Variants in DCP1A observed in about 807,000 individuals in gnomAD.
The protein encoded by DCP1A is decapping mRNA 1A.
Under a neutral mutation model 58.0 loss-of-function variants are expected in DCP1A, and 20 were observed. The ratio of observed to expected loss-of-function variants is 0.34; its 90% CI spans 0.24 to 0.50. The LOEUF is 0.50. Ranked by LOEUF, DCP1A falls within the 20% of genes least tolerant of loss-of-function variation. The pLI is 0.98. For synonymous variants in DCP1A, 285 were observed against 275.1 expected (o/e 1.04, Z -0.36); for missense variants, 613 against 712.2 (o/e 0.86, Z 1.59).
At chr3:53,291,028 G>A (rs1304370524) in intron 7 of DCP1A, among the ~76,000 whole-genome samples, 172 bp from the exon 8 acceptor site, 1 of 152,166 alleles carries the variant, frequency 6.6e-6, no homozygotes, top group Non-Finnish European at 1.5e-5. Context: ...ACAGGAACCT[G>A]TAACCATGCA....
chr3:53,320,908 G>C (rs946590509), intron 3 of DCP1A, among the ~76,000 whole-genome samples: 1 of 152,220 alleles, frequency 6.6e-6, no homozygotes, highest in African/African-American at 2.4e-5. Flanking sequence ...TTCCAAGCTG[G>C]TTGTAATGAG....
intron 3 of DCP1A, among the ~76,000 whole-genome samples, chr3:53,336,961 C>T (rs2089128229): frequency 6.6e-6 from 1 of 152,022 alleles, no homozygotes; most frequent in Non-Finnish European, 1.5e-5. Context: ...ACCTTCACTG[C>T]CTGGGTTCAA....
intron 3 of DCP1A, among the ~76,000 whole-genome samples, chr3:53,326,284 A>G (rs947982355): frequency 2.0e-4 from 30 of 152,194 alleles, no homozygotes; most frequent in African/African-American, 7.2e-4. Context: ...ACAATATCAC[A>G]ACTGATTACT....
intron 5 of DCP1A, among the ~76,000 whole-genome samples, chr3:53,304,764 T>C (rs1169163185): frequency 3.9e-5 from 6 of 151,932 alleles, no homozygotes; most frequent in Non-Finnish European, 7.4e-5. Context: ...TTTGTATTTT[T>C]AGTAGAGACA....
chr3:53,335,109 G>A (rs1378415336), intron 3 of DCP1A, among the ~76,000 whole-genome samples: 7 of 149,860 alleles, frequency 4.7e-5, no homozygotes, highest in Admixed American at 6.7e-5. Flanking sequence ...GTGTGTGCAC[G>A]CGCATGTGTA....
chr3:53,302,320 TTTTA>T (rs1253292635), intron 6 of DCP1A, among the ~76,000 whole-genome samples: 2 of 152,248 alleles, frequency 1.3e-5, no homozygotes, highest in African/African-American at 4.8e-5. Flanking sequence ...AACCTACGGA[TTTTA>T]TTTGATATCT....
chr3:53,305,442 C>T (rs1707442015), intron 5 of DCP1A, among the ~76,000 whole-genome samples: 1 of 151,940 alleles, frequency 6.6e-6, no homozygotes, highest in African/African-American at 2.4e-5. Flanking sequence ...CTCTGCCTCC[C>T]AGATTCAAGC....
intron 4 of DCP1A, among the ~76,000 whole-genome samples, chr3:53,317,391 C>T (rs1707844754): frequency 1.3e-5 from 2 of 152,164 alleles, no homozygotes; most frequent in Non-Finnish European, 2.9e-5. Context: ...TCTCGCACTT[C>T]CAATCTCAGG....
intron 3 of DCP1A, among the ~76,000 whole-genome samples, chr3:53,326,866 ATCCCCG>A (rs1305611592): frequency 6.6e-6 from 1 of 152,018 alleles, no homozygotes; most frequent in African/African-American, 2.4e-5. Context: ...CAATCCCCCA[ATCCCCG>A]TCCATTGAAA....
In DCP1A at chr3:53,287,342, C is replaced by CTTTTTTTTTT; in HGVS notation, c.*228_*237dup. 6.0e-6 allele frequency: 1 copy of CTTTTTTTTTT among 166,410 alleles called. No homozygotes were observed. The highest frequency in any genetic ancestry group is 1.0e-5 in the Non-Finnish European group (1 of 95,444). The allele number at this position is 166,410 out of a possible 1,614,324, so 10.3% of individuals were successfully genotyped here. A position where few individuals can be genotyped will look rare whatever the true frequency, so the allele number is the denominator to read the frequency against. ...CATAACTTAACACAATGATCGCTCT[C>CTTTTTTTTTT]TTTTTTTTTTTTTTTTTTTTTTTTT... is the stretch of plus-strand genomic sequence containing the variant. On this transcript the variant is annotated 3_prime_UTR_variant, in exon 10 of 10. Transcript: ENST00000610213.
intron 6 of DCP1A, among the ~76,000 whole-genome samples, chr3:53,303,298 ACT>A (rs1225826546): frequency 6.7e-6 from 1 of 149,422 alleles, no homozygotes; most frequent in Non-Finnish European, 1.5e-5. Flanking sequence ...ACAGAGTCTT[ACT>A]CTGTTGCTCA....
intron 1 of DCP1A, among the ~76,000 whole-genome samples, chr3:53,345,927 A>G (rs1401075170): frequency 6.6e-6 from 1 of 152,210 alleles, no homozygotes; most frequent in African/African-American, 2.4e-5. Context: ...GTAAAATAAT[A>G]AAGAGGGAAA....
At chr3:53,341,065 A>G (rs2089195241) in intron 3 of DCP1A, among the ~76,000 whole-genome samples, 1 of 152,186 alleles carries the variant, frequency 6.6e-6, no homozygotes, top group South Asian at 2.1e-4. Context: ...AAACAGATAG[A>G]AAAACCTTAC....
intron 5 of DCP1A, among the ~76,000 whole-genome samples, chr3:53,306,931 C>CTTTT (rs1159787111): frequency 1.2e-3 from 120 of 101,594 alleles, no homozygotes; most frequent in Non-Finnish European, 1.5e-3. Flanking sequence ...CCAGGCTGTT[C>CTTTT]TTTTTTTTTT....
chr3:53,306,532 C>T (rs868980043), intron 5 of DCP1A, among the ~76,000 whole-genome samples: 5 of 152,070 alleles, frequency 3.3e-5, no homozygotes, highest in Middle Eastern at 3.4e-3. Context: ...GCCTGGGCAA[C>T]ATAGTGAGAC....
chr3:53,283,504 GCTCATTTTAAAACATGTAA>G lies in DCP1A; in HGVS notation c.*4057_*4075del, dbSNP rs1198846394. On this transcript the variant is annotated 3_prime_UTR_variant, in exon 10 of 10. Transcript: ENST00000610213. ...ACATATAAAATTTAAGATGAAAAAC[GCTCATTTTAAAACATGTAA>G]TAACTTAATATTTGCAAACATACAC... The G allele has an allele frequency of 6.6e-6, 1 of 151,970 alleles. No homozygotes were observed. The highest frequency in any genetic ancestry group is 1.5e-5 in the Non-Finnish European group (1 of 67,984). The allele number at this position is 151,970 out of a possible 1,614,324, so 9.4% of individuals were successfully genotyped here.
chr3:53,309,863 T>A (rs1366924404), intron 5 of DCP1A, among the ~76,000 whole-genome samples: 2 of 152,224 alleles, frequency 1.3e-5, no homozygotes, highest in Admixed American at 1.3e-4. Context: ...AGAATCAGGA[T>A]TAAATCCCAA....
At position 53,342,276 on chromosome 3, in the gene DCP1A, G is replaced by C. The variant is rs1553692610; in HGVS notation, c.177-5C>G. 1 of 1,581,250 alleles carries C rather than the reference G, an allele frequency of 6.3e-7. No individual in the cohort carries two copies. Among genetic ancestry groups the C allele is most frequent in the African/African-American group, 1.4e-5 (1 of 73,928 alleles). ...CCATGGTAAGGGGAAGCTGACCTTA[G>C]ATTTAATAGAAGAAAAAAAAATATG... On this transcript the variant is annotated splice_region_variant and splice_polypyrimidine_tract_variant and intron_variant, in intron 2 of 9. Coordinates refer to ENST00000610213, the MANE Select transcript of DCP1A (RefSeq NM_018403.7).
At chr3:53,338,028 A>G in intron 3 of DCP1A, 1 of 330,114 alleles carries the variant, frequency 3.0e-6, no homozygotes, top group South Asian at 2.3e-5. Flanking sequence ...AGTAGAGTGG[A>G]AAGAACATTG....
Sources: gnomAD v4.1 joint callset for allele counts (sites outside exome capture counted in the v4.1 genomes callset) on GRCh38, gnomAD v4.1.1 for gene constraint, MANE v1.5 for transcripts, NCBI Gene and HGNC (gene_info 2026-07-23, HGNC 2026-07-21) for gene names.